RBFOX1: variants seen among roughly 807,000 people sequenced by gnomAD.
The protein encoded by RBFOX1 is RNA binding fox-1 homolog 1.
RBFOX1 carries 8 observed loss-of-function variants against 57.7 expected under a neutral mutation model. The ratio of observed to expected loss-of-function variants is 0.14; its 90% CI spans 0.08 to 0.25. The LOEUF (loss-of-function observed/expected upper bound fraction) is 0.25. RBFOX1 is among the 10% of genes least tolerant of loss of function. The pLI, the probability that RBFOX1 is intolerant of heterozygous loss-of-function variation, is 1.00. For synonymous variants in RBFOX1, 326 were observed against 222.4 expected, an observed-to-expected ratio of 1.47 and a Z score of -4.15; for missense variants, 611 against 548.5, an observed-to-expected ratio of 1.11 and a Z score of -1.14.
chr16:7,660,116 G>A (rs891001583), intron 12 of RBFOX1, among the ~76,000 whole-genome samples: 1 of 152,098 alleles, frequency 6.6e-6, no homozygotes, highest in African/African-American at 2.4e-5. Flanking sequence ...TATTACACGA[G>A]CAGATTGTAT....
intron 4 of RBFOX1, among the ~76,000 whole-genome samples, chr16:7,321,394 C>G (rs2096543725): frequency 6.6e-6 from 1 of 152,146 alleles, no homozygotes; most frequent in Admixed American, 6.6e-5. Context: ...GATACACCCT[C>G]CTCGGCCTCC....
At chr16:5,719,923 A>G (rs1424136939) in intron 3 of RBFOX1, among the ~76,000 whole-genome samples, 1 of 152,138 alleles carries the variant, frequency 6.6e-6, no homozygotes, top group Non-Finnish European at 1.5e-5. Context: ...TATATTTAGA[A>G]GTTCAGCTGC....
intron 2 of RBFOX1, among the ~76,000 whole-genome samples, chr16:6,510,988 C>G (rs2096245066): frequency 1.3e-5 from 2 of 152,222 alleles, no homozygotes; most frequent in South Asian, 4.1e-4. Context: ...CGGCAGCATC[C>G]AATGCTGTCA....
intron 4 of RBFOX1, among the ~76,000 whole-genome samples, chr16:7,490,718 G>C (rs184944027): frequency 5.1e-4 from 77 of 152,242 alleles, no homozygotes; most frequent in African/African-American, 1.7e-3. Context: ...TGGGGGTGTT[G>C]ATAGCTTTCA....
At chr16:5,697,723 G>C (rs1398388758) in intron 3 of RBFOX1, among the ~76,000 whole-genome samples, 1 of 151,884 alleles carries the variant, frequency 6.6e-6, no homozygotes, top group East Asian at 1.9e-4. Context: ...TAGTAGAGAA[G>C]GGTTATCTGC....
intron 1 of RBFOX1, among the ~76,000 whole-genome samples, chr16:6,310,561 T>C (rs11077029): frequency 0.36 from 49,847 of 137,076 alleles, 8,505 homozygotes; most frequent in African/African-American, 0.42. Context: ...ACCCATTCTA[T>C]GGACAAAAAA....
chr16:7,170,457 TC>T (rs904019135), intron 4 of RBFOX1, among the ~76,000 whole-genome samples: 3 of 152,118 alleles, frequency 2.0e-5, no homozygotes, highest in African/African-American at 7.2e-5. Context: ...CTTTTTTTTT[TC>T]CAAGATAGAG....
At chr16:6,297,228 T>C (rs1332990010) in intron 1 of RBFOX1, among the ~76,000 whole-genome samples, 4 of 152,116 alleles carry the variant, frequency 2.6e-5, no homozygotes, top group Admixed American at 2.6e-4. Context: ...GACCTGTATC[T>C]TGTGCCAACC....
chr16:6,876,317 G>C (rs539518954), intron 3 of RBFOX1, among the ~76,000 whole-genome samples: 6 of 152,100 alleles, frequency 3.9e-5, no homozygotes, highest in Admixed American at 3.9e-4. Flanking sequence ...ATATTCAATG[G>C]ACAATGAATG....
chr16:5,283,147 G>A (rs757700829), intron 1 of RBFOX1, among the ~76,000 whole-genome samples: 1 of 152,202 alleles, frequency 6.6e-6, no homozygotes, highest in Non-Finnish European at 1.5e-5. Context: ...GAGCCTGTGG[G>A]TACAAAGAAG....
At chr16:6,560,464 A>G (rs1185900010) in intron 2 of RBFOX1, among the ~76,000 whole-genome samples, 1 of 152,142 alleles carries the variant, frequency 6.6e-6, no homozygotes. Flanking sequence ...CCAGGCAGTG[A>G]AAACAGTCAA....
intron 4 of RBFOX1, among the ~76,000 whole-genome samples, chr16:7,488,987 C>T (rs2066189181): frequency 6.6e-6 from 1 of 152,158 alleles, no homozygotes; most frequent in South Asian, 2.1e-4. Flanking sequence ...TGCCTCTAAT[C>T]TCTCTATTGC....
chr16:6,507,435 C>A (rs1399065842), intron 2 of RBFOX1, among the ~76,000 whole-genome samples: 2 of 136,772 alleles, frequency 1.5e-5, no homozygotes, highest in African/African-American at 5.6e-5. Flanking sequence ...CTTTGTGAGG[C>A]TAAGGCAGGA....
At chr16:6,611,058 C>A (rs1011880941) in intron 2 of RBFOX1, among the ~76,000 whole-genome samples, 1 of 152,078 alleles carries the variant, frequency 6.6e-6, no homozygotes, top group African/African-American at 2.4e-5. Context: ...AAGATTTTAC[C>A]ATTAAGGCCT....
At chr16:6,629,690 G>A (rs755320204) in intron 2 of RBFOX1, among the ~76,000 whole-genome samples, 2 of 152,140 alleles carry the variant, frequency 1.3e-5, no homozygotes, top group Non-Finnish European at 2.9e-5. Flanking sequence ...GGTGAGTCTT[G>A]TGGTCAGCCA....
At chr16:6,475,695 T>C (rs991855967) in intron 2 of RBFOX1, among the ~76,000 whole-genome samples, 1 of 152,246 alleles carries the variant, frequency 6.6e-6, no homozygotes, top group African/African-American at 2.4e-5. Context: ...GTCCTAGTGT[T>C]CTAATCCTGC....
At chr16:7,455,785 C>CAAAAAAAAAAAAA (rs369544031) in intron 4 of RBFOX1, among the ~76,000 whole-genome samples, 1 of 82,806 alleles carries the variant, frequency 1.2e-5, no homozygotes, top group Non-Finnish European at 2.2e-5. Context: ...GACTCCATCT[C>CAAAAAAAAAAAAA]AAAAAAAAAA....
chr16:5,988,440 G>A (rs1400793645), intron 4 of RBFOX1, among the ~76,000 whole-genome samples: 1 of 152,168 alleles, frequency 6.6e-6, no homozygotes, highest in Non-Finnish European at 1.5e-5. Flanking sequence ...ACTTTTGGGA[G>A]GCAGGTGCTC....
intron 3 of RBFOX1, among the ~76,000 whole-genome samples, chr16:5,856,575 G>GTGTGTGTATATATATATATATATA (rs1192496608): frequency 3.0e-5 from 1 of 32,916 alleles, no homozygotes; most frequent in African/African-American, 1.3e-4. Context: ...GTGTGTGTGT[G>GTGTGTGTATATATATATATATATA]TATATATATA....
Sources: gnomAD v4.1 joint callset for allele counts (sites outside exome capture counted in the v4.1 genomes callset) on GRCh38, gnomAD v4.1.1 for gene constraint, MANE v1.5 for transcripts, NCBI Gene and HGNC (gene_info 2026-07-23, HGNC 2026-07-21) for gene names.